Variants in MYOD1 observed in about 807,000 individuals in gnomAD.
MYOD1 encodes myogenic differentiation 1.
Under a neutral mutation model 14.9 loss-of-function variants are expected in MYOD1, and 15 were observed. The ratio of observed to expected loss-of-function variants is 1.01; its 90% CI spans 0.67 to 1.55. The LOEUF is 1.55. Ranked by LOEUF, MYOD1 falls within the 40% of genes most tolerant of loss-of-function variation. MYOD1 has a pLI of 0.00. For missense variants in MYOD1, 529 were observed against 482.6 expected (o/e 1.10, Z -0.90); for synonymous variants, 235 against 218.6 (o/e 1.07, Z -0.66).
At position 17,721,969 on chromosome 11, in the gene MYOD1, A is replaced by C. The variant is rs1026770060; in HGVS notation, c.*461A>C. 1 of 230,566 alleles carries C rather than the reference A, an allele frequency of 4.3e-6. No individual in the cohort carries two copies. Among genetic ancestry groups the C allele is most frequent in the Middle Eastern group, 1.3e-3 (1 of 762 alleles). The allele number at this position is 230,566 out of a possible 1,614,324, so 14.3% of individuals were successfully genotyped here. The stretch of plus-strand genomic sequence containing the variant: ...ACTTTTTGTAATACTTTTGTAATCT[A>C]TTCCTGTAAATAAGAGTTGCTTTGC... On this transcript the variant is annotated 3_prime_UTR_variant, in exon 3 of 3. Coordinates refer to ENST00000250003, the MANE Select transcript of MYOD1 (RefSeq NM_002478.5). The surrounding 1 kb of genome is among the most constrained non-coding windows in gnomAD (Gnocchi z 6.2).
rs1848644889 is a variant in MYOD1, at chr11:17,722,090, G to C, written c.*582G>C. ...TTTATACCGCAGGCGGGCGAGCCGCGGGCGCTCGCTCAGGTGATCAAAATA... is the reference window on the plus strand; with the variant it reads ...TTTATACCGCAGGCGGGCGAGCCGCCGGCGCTCGCTCAGGTGATCAAAATA... On this transcript the variant is annotated 3_prime_UTR_variant, in exon 3 of 3. Transcript: ENST00000250003. 1 of 189,170 alleles carries C rather than the reference G, an allele frequency of 5.3e-6. No individual in the cohort carries two copies. The highest frequency in any genetic ancestry group is 1.9e-4 in the South Asian group (1 of 5,150). 11.7% of individuals were successfully genotyped at this position (189,170 alleles called of 1,614,324 possible).
At position 17,720,884 on chromosome 11, in the gene MYOD1, C is replaced by A; in HGVS notation, c.631-18C>A. The A allele has an allele frequency of 6.2e-7, 1 of 1,607,570 alleles. No homozygotes were observed. Among genetic ancestry groups the A allele is most frequent in the East Asian group, 2.2e-5 (1 of 44,698 alleles). On this transcript the variant is annotated intron_variant, in intron 1 of 2. Transcript: ENST00000250003. ...AGCCGTCCCGCGGGCCTGACTCAGTCGCCCTTGCTGTTTGCAGATGGACTA... is the reference window on the plus strand; with the variant it reads ...AGCCGTCCCGCGGGCCTGACTCAGTAGCCCTTGCTGTTTGCAGATGGACTA...
chr11:17,720,488 G>C, intron 1 of MYOD1, 76 bp downstream of exon 1: 1 of 1,456,560 alleles, frequency 6.9e-7, no homozygotes. Context: ...CGAGGGCGGG[G>C]AGCTGGCCTT....
rs746375328 is a variant in MYOD1, at chr11:17,720,913, C to G, written c.642C>G (p.Ser214Arg). Residue 214 changes from serine (S) to arginine (R), a missense_variant, in exon 2 of 3, where the codon AGC (serine) becomes AGG (arginine). Coordinates refer to ENST00000250003, the MANE Select transcript of MYOD1 (RefSeq NM_002478.5). ...CTTGCTGTTTGCAGATGGACTACAG[C>G]GGCCCCCCGAGCGGCGCCCGGCGGC... is the stretch of plus-strand genomic sequence containing the variant. ...SNCSDGMMDY[S>R]GPPSGARRRN... 7.4e-5 allele frequency: 120 copies of G among 1,611,862 alleles called. No homozygotes were observed. The highest frequency in any genetic ancestry group is 9.7e-5 in the Non-Finnish European group (115 of 1,179,620).
In MYOD1 at chr11:17,720,249, A is replaced by G; in HGVS notation, c.467A>G (p.Tyr156Cys). Residue 156 changes from tyrosine (Y) to cysteine (C), a missense_variant, in exon 1 of 3, where the codon TAT (tyrosine) becomes TGT (cysteine). By Grantham distance (194) the Tyr-to-Cys change is radical (BLOSUM62 -2). Transcript: ENST00000250003. ...GAGATCCTGCGCAACGCCATCCGCT[A>G]TATCGAGGGCCTGCAGGCTCTGCTG... is the stretch of plus-strand genomic sequence containing the variant. ...KVEILRNAIR[Y>C]IEGLQALLRD... is the part of the protein sequence containing the mutation. 2 of 1,606,916 alleles carry G rather than the reference A, an allele frequency of 1.2e-6. No individual in the cohort carries two copies. Among genetic ancestry groups the G allele is most frequent in the Non-Finnish European group, 1.7e-6 (2 of 1,177,900 alleles).
chr11:17,721,788 C>T lies in MYOD1; in HGVS notation c.*280C>T. 2.4e-6 allele frequency: 1 copy of T among 412,502 alleles called. No homozygotes were observed. Among genetic ancestry groups the T allele is most frequent in the Non-Finnish European group, 4.2e-6 (1 of 235,382 alleles). The allele number at this position is 412,502 out of a possible 1,614,324, so 25.6% of individuals were successfully genotyped here. On this transcript the variant is annotated 3_prime_UTR_variant, in exon 3 of 3. Transcript: ENST00000250003. The surrounding 1 kb of genome is among the most constrained non-coding windows in gnomAD (Gnocchi z 6.2). ...CTTGAGGGGCTAGGTTCAGCTTTCT[C>T]GCGCCCTCCCCCATGGGGGTGAGAC...
In MYOD1 at chr11:17,721,394, A is replaced by G. The variant is rs774722999; in HGVS notation, c.849A>G (p.Gln283=). 7 of 1,596,932 alleles carry G rather than the reference A, an allele frequency of 4.4e-6. No individual in the cohort carries two copies. Among genetic ancestry groups the G allele is most frequent in the Non-Finnish European group, 5.9e-6 (7 of 1,178,214 alleles). Residue 283 remains glutamine, a synonymous_variant, in exon 3 of 3, where the codon CAA becomes CAG. Transcript: ENST00000250003. This position sits in a 1 kb window ranked among gnomAD's most constrained non-coding sequence, Gnocchi z 6.2. ...CTTCTGAGTCGCCTCCGCGCAGGCA[A>G]GAGGCTGCCGCCCCCAGCGAGGGAG... is the stretch of plus-strand genomic sequence containing the variant. The part of the protein sequence containing the change: ...DVPSESPPRR[Q]EAAAPSEGES...
chr11:17,720,440 A>G, intron 1 of MYOD1, 28 bp downstream of exon 1: 1 of 1,520,194 alleles, frequency 6.6e-7, no homozygotes, highest in Non-Finnish European at 8.7e-7. Flanking sequence ...GGAAGTGAGG[A>G]AGTTAGGGCG....
rs747125822 is a variant in MYOD1, at chr11:17,720,967, C to T, written c.696C>T (p.Asn232=). ...ACTGCTACGAAGGCGCCTACTACAA[C>T]GAGGCGCCCAGCGGTGGGTATTCCG... ...RRNCYEGAYY[N]EAPSEPRPGK... is the part of the protein sequence containing the mutation. Residue 232 remains asparagine (N), a synonymous_variant, in exon 2 of 3, where the codon AAC becomes AAT. Transcript: ENST00000250003. 1 of 1,602,038 alleles carries T rather than the reference C, an allele frequency of 6.2e-7. No homozygotes were observed. Among genetic ancestry groups the T allele is most frequent in the East Asian group, 2.2e-5 (1 of 44,470 alleles).
At position 17,720,973 on chromosome 11, in the gene MYOD1, G is replaced by T. The variant is rs776902326; in HGVS notation, c.702G>T (p.Ala234=). Residue 234 remains alanine (A), a synonymous_variant, in exon 2 of 3, where the codon GCG becomes GCT. Transcript: ENST00000250003. ...NCYEGAYYNE[A]PSEPRPGKSA... is the part of the protein sequence containing the mutation. ...ACGAAGGCGCCTACTACAACGAGGC[G>T]CCCAGCGGTGGGTATTCCGGGCCTC... The T allele has an allele frequency of 6.3e-7, 1 of 1,596,610 alleles. No homozygotes were observed. Among genetic ancestry groups the T allele is most frequent in the Non-Finnish European group, 8.5e-7 (1 of 1,172,738 alleles).
chr11:17,719,696 C>G lies in MYOD1; in HGVS notation c.-87C>G. 7 of 1,506,532 alleles carry G rather than the reference C, an allele frequency of 4.6e-6. No individual in the cohort carries two copies. Among genetic ancestry groups the G allele is most frequent in the Non-Finnish European group, 6.2e-6 (7 of 1,124,456 alleles). The allele number at this position is 1,506,532 out of a possible 1,614,324, so 93.3% of individuals were successfully genotyped here. A position where few individuals can be genotyped will look rare whatever the true frequency, so the allele number is the denominator to read the frequency against. Reference sequence around the variant, plus strand: ...CTGCCAGCACTTTGCTATCTACAGCCGGGGCTCCCGAGCGGCAGAAAGTTC... The same window carrying G: ...CTGCCAGCACTTTGCTATCTACAGCGGGGGCTCCCGAGCGGCAGAAAGTTC... On this transcript the variant is annotated 5_prime_UTR_variant, in exon 1 of 3. Transcript: ENST00000250003.
rs1030711454 is a variant in MYOD1, at chr11:17,719,574, G to A, written c.-209G>A. 3.2e-6 allele frequency: 2 copies of A among 629,824 alleles called. No homozygotes were observed. The highest frequency in any genetic ancestry group is 2.2e-5 in the South Asian group (1 of 46,490). 39.0% of individuals were successfully genotyped at this position (629,824 alleles called of 1,614,324 possible). A position where few individuals can be genotyped will look rare whatever the true frequency, so the allele number is the denominator to read the frequency against. On this transcript the variant is annotated 5_prime_UTR_variant, in exon 1 of 3. Coordinates refer to ENST00000250003, the MANE Select transcript of MYOD1 (RefSeq NM_002478.5). ...CCAGGGCGCCTGGCGAGAAGCTAGGGGTGAGGAAGCCCTGGGGCGCTGCCG... is the reference window on the plus strand; with the variant it reads ...CCAGGGCGCCTGGCGAGAAGCTAGGAGTGAGGAAGCCCTGGGGCGCTGCCG...
Position 17,721,249 on chromosome 11 carries a change from G to T in MYOD1, c.710-6G>T, listed in dbSNP as rs1848634342. The T allele has an allele frequency of 6.5e-7, 1 of 1,536,890 alleles. No individual in the cohort carries two copies. Among genetic ancestry groups the T allele is most frequent in the South Asian group, 1.2e-5 (1 of 83,746 alleles). ...CCTGCTTACTAACCGAGCCCTCCCC[G>T]CGCAGAACCCAGGCCCGGGAAGAGT... On this transcript the variant is annotated splice_polypyrimidine_tract_variant and splice_region_variant and intron_variant, in intron 2 of 2. Coordinates refer to ENST00000250003, the MANE Select transcript of MYOD1 (RefSeq NM_002478.5). This position sits in a 1 kb window ranked among gnomAD's most constrained non-coding sequence, Gnocchi z 6.2.
chr11:17,721,859 G>C lies in MYOD1; in HGVS notation c.*351G>C, dbSNP rs1590084894. The C allele has an allele frequency of 9.6e-6, 3 of 312,366 alleles. No homozygotes were observed. The East Asian group carries it at 1.5e-4, about 16-fold the overall frequency. 19.3% of individuals were successfully genotyped at this position (312,366 alleles called of 1,614,324 possible). The stretch of plus-strand genomic sequence containing the variant: ...CCCCGGGATGCACCGGTTATTTGGG[G>C]GGGCGTGAGACCCAGTGCACTCCGG... On this transcript the variant is annotated 3_prime_UTR_variant, in exon 3 of 3. Transcript: ENST00000250003. The surrounding 1 kb of genome is among the most constrained non-coding windows in gnomAD (Gnocchi z 6.2).
At chr11:17,720,450 G>T in intron 1 of MYOD1, 38 bp downstream of exon 1, 1 of 1,508,572 alleles carries the variant, frequency 6.6e-7, no homozygotes, top group Non-Finnish European at 8.7e-7. Flanking sequence ...AAGTTAGGGC[G>T]GCGCTCGGGA....
chr11:17,720,542 C>G, intron 1 of MYOD1, 130 bp downstream of exon 1: 1 of 1,279,618 alleles, frequency 7.8e-7, no homozygotes, highest in South Asian at 1.7e-5. Flanking sequence ...AGAGGACCCC[C>G]TTGTCCTGGG....
chr11:17,720,724 G>A (rs999418256), intron 1 of MYOD1, among the ~76,000 whole-genome samples, 178 bp from the exon 2 acceptor site: 4 of 152,092 alleles, frequency 2.6e-5, no homozygotes, highest in Non-Finnish European at 5.9e-5. Context: ...CCTTGGTTTG[G>A]CCCTGCATGT....
Position 17,721,433 on chromosome 11 carries a change from C to T in MYOD1, c.888C>T (p.Asp296=), listed in dbSNP as rs779226454. ...CCAGCGAGGGAGAGAGCAGCGGCGA[C>T]CCCACCCAGTCACCGGACGCCGCCC... ...AAPSEGESSG[D]PTQSPDAAPQ... The change falls in exon 3 of 3, where the codon GAC becomes GAT. Residue 296 remains aspartate, a synonymous_variant. Transcript: ENST00000250003. The surrounding 1 kb of genome is among the most constrained non-coding windows in gnomAD (Gnocchi z 6.2). The T allele has an allele frequency of 1.3e-6, 2 of 1,597,956 alleles. No homozygotes were observed. Among genetic ancestry groups the T allele is most frequent in the Admixed American group, 3.4e-5 (2 of 59,676 alleles).
At chr11:17,720,806 C>T in intron 1 of MYOD1, 96 bp from the exon 2 acceptor site, 1 of 1,364,248 alleles carries the variant, frequency 7.3e-7, no homozygotes, top group East Asian at 2.3e-5. Flanking sequence ...GAACTAGAGC[C>T]TTAGGCTAGA....
Sources: gnomAD v4.1 joint callset for allele counts (sites outside exome capture counted in the v4.1 genomes callset) on GRCh38, gnomAD v4.1.1 for gene constraint, Gnocchi (gnomAD v3.1) non-coding constraint, MANE v1.5 for transcripts, NCBI Gene and HGNC (gene_info 2026-07-23, HGNC 2026-07-21) for gene names.